Variants in CDK13 observed in about 807,000 individuals in gnomAD.
The protein encoded by CDK13 is cyclin dependent kinase 13.
CDK13 carries 40 observed loss-of-function variants against 137.6 expected under a neutral mutation model. That is an observed-to-expected ratio of 0.29 (90% CI 0.23 to 0.38). The LOEUF is 0.38. Among genes scored for constraint, CDK13 ranks in the 10% least tolerant of loss-of-function variants. The pLI is 1.00. For synonymous variants in CDK13, 869 were observed against 760.1 expected, an observed-to-expected ratio of 1.14 and a Z score of -2.36; for missense variants, 1,704 against 1,951.8, an observed-to-expected ratio of 0.87 and a Z score of 2.39.
chr7:40,053,644 C>G (rs1785944507), intron 7 of CDK13, among the ~76,000 whole-genome samples: 1 of 151,962 alleles, frequency 6.6e-6, no homozygotes, highest in Non-Finnish European at 1.5e-5. Context: ...TGAAATCTGT[C>G]CTGAATCCCA....
chr7:39,977,264 C>T (rs1361559305), intron 1 of CDK13, among the ~76,000 whole-genome samples: 1 of 152,090 alleles, frequency 6.6e-6, no homozygotes, highest in Non-Finnish European at 1.5e-5. Context: ...TAGGTTAGGA[C>T]CAGACAAATT....
chr7:40,076,232 C>G (rs1786541764), intron 9 of CDK13, among the ~76,000 whole-genome samples: 1 of 151,938 alleles, frequency 6.6e-6, no homozygotes, highest in African/African-American at 2.4e-5. Context: ...TATACAAAAA[C>G]AAGAAATAGA....
At chr7:40,066,042 A>AC (rs1365999531) in intron 9 of CDK13, among the ~76,000 whole-genome samples, 2 of 152,056 alleles carry the variant, frequency 1.3e-5, no homozygotes, top group African/African-American at 4.8e-5. Context: ...AAACAAACAA[A>AC]AACAACAACA....
chr7:40,042,225 T>A (rs928658955), intron 5 of CDK13, among the ~76,000 whole-genome samples: 12 of 151,830 alleles, frequency 7.9e-5, no homozygotes, highest in Non-Finnish European at 1.2e-4. Context: ...ATTACAGGCT[T>A]GTACCACCAA....
intron 2 of CDK13, among the ~76,000 whole-genome samples, chr7:39,989,149 T>C (rs1001889750): frequency 4.1e-5 from 6 of 147,420 alleles, no homozygotes; most frequent in African/African-American, 1.5e-4. Context: ...TCCTTTAAGA[T>C]GTTTAAAAAT....
At chr7:39,954,421 G>A (rs962080029) in intron 1 of CDK13, among the ~76,000 whole-genome samples, 26 of 152,194 alleles carry the variant, frequency 1.7e-4, no homozygotes, top group African/African-American at 6.0e-4. Context: ...AGTGGCCCAT[G>A]TTCTTTAATG....
At chr7:40,052,262 C>T (rs377627544) in intron 7 of CDK13, among the ~76,000 whole-genome samples, 2 of 150,964 alleles carry the variant, frequency 1.3e-5, no homozygotes, top group East Asian at 2.0e-4. Context: ...CTGCAACCTC[C>T]GCCTCCTAGG....
intron 1 of CDK13, among the ~76,000 whole-genome samples, chr7:39,963,741 G>A (rs1424973838): frequency 6.6e-6 from 1 of 152,102 alleles, no homozygotes; most frequent in Non-Finnish European, 1.5e-5. Flanking sequence ...TGCCCATTCG[G>A]TATGATATTG....
intron 9 of CDK13, among the ~76,000 whole-genome samples, chr7:40,077,649 G>T (rs17538181): frequency 1.6e-3 from 237 of 152,282 alleles, no homozygotes; most frequent in Non-Finnish European, 2.6e-3. Context: ...GAGAACAGGG[G>T]TTCAAGACCA....
intron 1 of CDK13, among the ~76,000 whole-genome samples, chr7:39,955,974 G>C (rs1304853339): frequency 1.3e-5 from 2 of 151,652 alleles, no homozygotes; most frequent in Non-Finnish European, 2.9e-5. Context: ...GAAAAAGATG[G>C]GTGGACTCTA....
At chr7:39,993,333 C>T (rs1346061272) in intron 2 of CDK13, among the ~76,000 whole-genome samples, 1 of 152,126 alleles carries the variant, frequency 6.6e-6, no homozygotes, top group Non-Finnish European at 1.5e-5. Context: ...ATAGTAATAG[C>T]CACTACTCTT....
At position 39,999,498 on chromosome 7, in the gene CDK13, C is replaced by T. The variant is rs140848307; in HGVS notation, c.2180C>T (p.Thr727Ile). Residue 727 changes from threonine to isoleucine, a missense_variant and splice_region_variant, in exon 4 of 14, where the codon ACT becomes ATT. Thr to Ile is a moderately conservative substitution (Grantham distance 89). Coordinates refer to ENST00000181839, the MANE Select transcript of CDK13 (RefSeq NM_003718.5). ...GTTTACAAAGCCAGGGATAAAGACA[C>T]TGGTAAGAATGCCAAGTTCTGGGGA... Reference protein sequence around the residue: ...GQVYKARDKDTGEMVALKKVR... With the variant: ...GQVYKARDKDIGEMVALKKVR... The T allele has an allele frequency of 1.7e-3, 2,747 of 1,599,322 alleles. 5 individuals carry two copies. The highest frequency in any genetic ancestry group is 2.2e-3 in the Non-Finnish European group (2,531 of 1,172,082).
chr7:39,969,542 GTGT>G (rs745435418), intron 1 of CDK13, among the ~76,000 whole-genome samples: 7 of 152,198 alleles, frequency 4.6e-5, no homozygotes, highest in Admixed American at 6.5e-5. Flanking sequence ...AGGGTTTGCT[GTGT>G]TGTTGTATGG....
intron 1 of CDK13, among the ~76,000 whole-genome samples, chr7:39,965,066 G>T (rs1023576798): frequency 6.6e-6 from 1 of 152,128 alleles, no homozygotes; most frequent in Non-Finnish European, 1.5e-5. Context: ...TTTTGGAATA[G>T]GTGTGGTGTG....
Position 40,064,782 on chromosome 7 carries a change from CTTTTTTT to C in CDK13, c.2780+1693_2780+1699del, listed in dbSNP as rs545885222. ...TGAAACATAGAAAACTTTTATGTTA[CTTTTTTT>C]TTTTTTTTTTCCTGTTTTTTGAGAC... On this transcript the variant is annotated intron_variant, in intron 9 of 13. Transcript: ENST00000181839. Among the ~76,000 whole-genome samples, 4 of 134,544 alleles carry C rather than the reference CTTTTTTT, an allele frequency of 3.0e-5. No homozygotes were observed. The East Asian group carries it at 8.6e-4, about 29-fold the overall frequency. The allele number at this position is 134,544 out of a possible 152,430, so 88.3% of individuals were successfully genotyped here. A position where few individuals can be genotyped will look rare whatever the true frequency, so the allele number is the denominator to read the frequency against.
At chr7:39,972,511 G>A (rs912590359) in intron 1 of CDK13, among the ~76,000 whole-genome samples, 1 of 152,172 alleles carries the variant, frequency 6.6e-6, no homozygotes, top group African/African-American at 2.4e-5. Flanking sequence ...AACGGTTGGT[G>A]ATTTCTTTCT....
chr7:39,979,216 C>CTTTTTTTTT (rs71560152), intron 1 of CDK13, among the ~76,000 whole-genome samples: 11 of 130,880 alleles, frequency 8.4e-5, no homozygotes, highest in Non-Finnish European at 1.3e-4. Flanking sequence ...TCTTTTTTTT[C>CTTTTTTTTT]TTTTTTTTTT....
rs1787115657 is a variant in CDK13 at position 39,950,550 on chromosome 7, G to A, written c.-92G>A. On this transcript the variant is annotated 5_prime_UTR_variant, in exon 1 of 14. Coordinates refer to ENST00000181839, the MANE Select transcript of CDK13 (RefSeq NM_003718.5). ...CGGCTCTGGTGCTCGGTGTCCCTCCGCCGCCGCTCCCGTTTCCGGCGGGGG... is the reference window on the plus strand; with the variant it reads ...CGGCTCTGGTGCTCGGTGTCCCTCCACCGCCGCTCCCGTTTCCGGCGGGGG... The A allele has an allele frequency of 1.6e-6, 2 of 1,272,934 alleles. No individual in the cohort carries two copies. Among genetic ancestry groups the A allele is most frequent in the Non-Finnish European group, 2.0e-6 (2 of 1,010,098 alleles). The allele number at this position is 1,272,934 out of a possible 1,614,324, so 78.9% of individuals were successfully genotyped here. A position where few individuals can be genotyped will look rare whatever the true frequency, so the allele number is the denominator to read the frequency against.
chr7:39,970,090 C>T (rs1020610912), intron 1 of CDK13, among the ~76,000 whole-genome samples: 133 of 151,732 alleles, frequency 8.8e-4, no homozygotes, highest in African/African-American at 1.6e-3. Flanking sequence ...CTGCAACCTC[C>T]GCCTCCTGGG....
Sources: gnomAD v4.1 joint callset for allele counts (sites outside exome capture counted in the v4.1 genomes callset) on GRCh38, gnomAD v4.1.1 for gene constraint, MANE v1.5 for transcripts, NCBI Gene and HGNC (gene_info 2026-07-23, HGNC 2026-07-21) for gene names.